ABLIM3: variants seen among roughly 807,000 people sequenced by gnomAD.
The protein encoded by ABLIM3 is actin-binding LIM protein 3.
A neutral mutation model predicts 109.5 loss-of-function variants in ABLIM3; 61 were observed. That is an observed-to-expected ratio of 0.56 (90% CI 0.45 to 0.69). ABLIM3 has a LOEUF of 0.69. Among genes scored for constraint, ABLIM3 ranks in the 30% least tolerant of loss-of-function variants. ABLIM3 has a pLI of 0.00. For synonymous variants in ABLIM3, 300 were observed against 324.8 expected, an observed-to-expected ratio of 0.92 and a Z score of 0.82; for missense variants, 796 against 889.5, an observed-to-expected ratio of 0.89 and a Z score of 1.34.
In ABLIM3 at chr5:149,225,974, GTGTGTGTGTATATATATATATATATATA is replaced by G. The variant is rs770863081; in HGVS notation, c.758-4673_758-4646del. On this transcript the variant is annotated intron_variant, in intron 8 of 23. Coordinates refer to ENST00000309868, the MANE Select transcript of ABLIM3 (RefSeq NM_014945.5). ...GTATATAATATGTGTGTGTGTGTGT[GTGTGTGTGTATATATATATATATATATA>G]TATATATATATATATATATATATAT... Among the ~76,000 whole-genome samples the G allele has an allele frequency of 5.7e-4, 53 of 92,208 alleles. 1 individual carries two copies. Among genetic ancestry groups the G allele is most frequent in the South Asian group, 1.4e-3 (4 of 2,866 alleles). 60.5% of individuals were successfully genotyped at this position (92,208 alleles called of 152,430 possible).
At chr5:149,247,506 A>G in intron 17 of ABLIM3, 1 of 603,226 alleles carries the variant, frequency 1.7e-6, no homozygotes, top group Non-Finnish European at 3.1e-6. Context: ...TTGTTGAATC[A>G]ATCACTGTGC....
intron 2 of ABLIM3, 39 bp from the exon 3 acceptor site, chr5:149,183,413 C>T: frequency 6.8e-7 from 1 of 1,475,846 alleles, no homozygotes; most frequent in Non-Finnish European, 9.0e-7. Flanking sequence ...TGTAAAGAAT[C>T]AGGGCCTCTG....
At position 149,244,747 on chromosome 5, in the gene ABLIM3, G is replaced by T. The variant is rs972534018; in HGVS notation, c.1352-134G>T. 7.7e-6 allele frequency: 9 copies of T among 1,165,158 alleles called. No individual in the cohort carries two copies. In the Middle Eastern group the frequency reaches 6.9e-4, roughly 89 times the overall value. 72.2% of individuals were successfully genotyped at this position (1,165,158 alleles called of 1,614,324 possible). Reference sequence around the variant, plus strand: ...TCCAGCTCCGATGCTCCATGGCCCAGTTCTAACAGAGAGCCCTGATCTTGA... The same window carrying T: ...TCCAGCTCCGATGCTCCATGGCCCATTTCTAACAGAGAGCCCTGATCTTGA... On this transcript the variant is annotated intron_variant, in intron 15 of 23. Coordinates refer to ENST00000309868, the MANE Select transcript of ABLIM3 (RefSeq NM_014945.5).
At chr5:149,154,774 T>A (rs1030738807) in intron 2 of ABLIM3, among the ~76,000 whole-genome samples, 7 of 152,212 alleles carry the variant, frequency 4.6e-5, no homozygotes, top group Non-Finnish European at 1.0e-4. Flanking sequence ...TGACAAACCC[T>A]GTCTGTTTTG....
intron 2 of ABLIM3, among the ~76,000 whole-genome samples, chr5:149,175,554 C>A (rs1017851854): frequency 6.6e-6 from 1 of 152,042 alleles, no homozygotes; most frequent in African/African-American, 2.4e-5. Flanking sequence ...TTGAAAGAGG[C>A]CCTGTGCTGA....
chr5:149,228,376 C>T (rs1034373805), intron 8 of ABLIM3, among the ~76,000 whole-genome samples: 2 of 152,170 alleles, frequency 1.3e-5, no homozygotes, highest in African/African-American at 4.8e-5. Flanking sequence ...TAGTCACCAT[C>T]CTCTCATGGG....
intron 5 of ABLIM3, among the ~76,000 whole-genome samples, chr5:149,203,418 T>C (rs1288983587): frequency 6.6e-6 from 1 of 150,848 alleles, no homozygotes; most frequent in East Asian, 1.9e-4. Context: ...GTAGCAGCAG[T>C]ACCACTGCTA....
intron 18 of ABLIM3, among the ~76,000 whole-genome samples, chr5:149,248,411 G>A (rs1201131978): frequency 6.6e-6 from 1 of 152,142 alleles, no homozygotes; most frequent in African/African-American, 2.4e-5. Flanking sequence ...AAATGGCTTG[G>A]CTGGGCGCAG....
Position 149,217,013 on chromosome 5 carries a change from A to T in ABLIM3, c.724A>T (p.Met242Leu). The T allele has an allele frequency of 6.2e-7, 1 of 1,614,146 alleles. No homozygotes were observed. Among genetic ancestry groups the T allele is most frequent in the South Asian group, 1.1e-5 (1 of 91,074 alleles). The change falls in exon 8 of 24, where the codon ATG becomes TTG. Residue 242 changes from methionine (M) to leucine (L), a missense_variant. Coordinates refer to ENST00000309868, the MANE Select transcript of ABLIM3 (RefSeq NM_014945.5). The stretch of plus-strand genomic sequence containing the variant: ...TGCCAGGTGTGTACGCTGCCACCAG[A>T]TGTTCACCGAAGGAGAGGAAATGTA... ...TCARCVRCHQ[M>L]FTEGEEMYLT...
At chr5:149,242,410 C>T (rs1024521073) in intron 14 of ABLIM3, 81 bp from the exon 15 acceptor site, 202 of 1,425,070 alleles carry the variant, frequency 1.4e-4, no homozygotes, top group Non-Finnish European at 1.9e-4. Flanking sequence ...GATCAACTGA[C>T]CAAGTACTAT....
At chr5:149,148,529 C>T (rs1345917016) in intron 2 of ABLIM3, among the ~76,000 whole-genome samples, 1 of 152,228 alleles carries the variant, frequency 6.6e-6, no homozygotes, top group Admixed American at 6.5e-5. Context: ...AAGGATCTCT[C>T]ATTTGTCTCC....
intron 8 of ABLIM3, among the ~76,000 whole-genome samples, chr5:149,228,245 G>A (rs1761512684): frequency 6.6e-6 from 1 of 152,172 alleles, no homozygotes; most frequent in Non-Finnish European, 1.5e-5. Context: ...CAAAACAAAT[G>A]AATGCCTCTT....
chr5:149,233,258 A>AC lies in ABLIM3; in HGVS notation c.851dup (p.Gly285TrpfsTer14). 6.2e-7 allele frequency: 1 copy of AC among 1,613,270 alleles called. No homozygotes were observed. The highest frequency in any genetic ancestry group is 1.1e-5 in the South Asian group (1 of 91,022). ...GACGGACATCTGAAACCTCCATCTCACCCCCTGGATCCAGCATTGGGTCAC... is the reference window on the plus strand; with the variant it reads ...GACGGACATCTGAAACCTCCATCTCACCCCCCTGGATCCAGCATTGGGTCAC... On this transcript the variant is annotated frameshift_variant, in exon 10 of 24. Coordinates refer to ENST00000309868, the MANE Select transcript of ABLIM3 (RefSeq NM_014945.5). LOFTEE classifies it high-confidence loss of function.
intron 2 of ABLIM3, among the ~76,000 whole-genome samples, chr5:149,157,139 C>T (rs1276500626): frequency 6.6e-6 from 1 of 152,188 alleles, no homozygotes; most frequent in Non-Finnish European, 1.5e-5. Context: ...AGTCAGCACA[C>T]CTCATTAACT....
intron 8 of ABLIM3, among the ~76,000 whole-genome samples, chr5:149,225,982 GTATA>G (rs58844908): frequency 0.082 from 3,592 of 43,892 alleles, 91 homozygotes; most frequent in Non-Finnish European, 0.11. Flanking sequence ...GTGTGTGTGT[GTATA>G]TATATATATA....
intron 2 of ABLIM3, among the ~76,000 whole-genome samples, chr5:149,149,909 C>T (rs1753275581): frequency 2.0e-5 from 3 of 152,166 alleles, no homozygotes; most frequent in Admixed American, 2.0e-4. Flanking sequence ...CTAGCTGGAC[C>T]CAGAGACCCA....
intron 10 of ABLIM3, 118 bp downstream of exon 10, chr5:149,233,418 C>G: frequency 4.8e-6 from 5 of 1,033,552 alleles, no homozygotes; most frequent in South Asian, 2.7e-5. Context: ...GATGCATGCT[C>G]TTCATGTGCT....
chr5:149,215,439 C>T (rs1174712788), intron 7 of ABLIM3, among the ~76,000 whole-genome samples: 4 of 151,610 alleles, frequency 2.6e-5, no homozygotes, highest in Non-Finnish European at 5.9e-5. Context: ...CTGCCTTTCC[C>T]ACATTCTTGC....
At chr5:149,157,539 A>G (rs1345938080) in intron 2 of ABLIM3, among the ~76,000 whole-genome samples, 1 of 111,162 alleles carries the variant, frequency 9.0e-6, no homozygotes, top group Non-Finnish European at 1.7e-5. Flanking sequence ...TGAGAATGAC[A>G]TATGACTTAT....
Sources: gnomAD v4.1 joint callset for allele counts (sites outside exome capture counted in the v4.1 genomes callset) on GRCh38, gnomAD v4.1.1 for gene constraint, MANE v1.5 for transcripts, NCBI Gene and HGNC (gene_info 2026-07-23, HGNC 2026-07-21) for gene names.